NSUN4: variants seen among roughly 807,000 people sequenced by gnomAD.
NSUN4 encodes 5-cytosine rRNA methyltransferase NSUN4.
In NSUN4, 31 loss-of-function variants were observed where a neutral mutation model predicts 43.8. The observed-to-expected ratio is 0.71, with a 90% confidence interval of 0.53 to 0.96. The LOEUF (loss-of-function observed/expected upper bound fraction) is 0.96, where lower values mean the gene tolerates loss of function less well. NSUN4 is among the 40% of genes least tolerant of loss of function. The pLI is 0.00. For synonymous variants in NSUN4, 167 were observed against 184.1 expected (o/e 0.91, Z 0.75); for missense variants, 439 against 475.6 (o/e 0.92, Z 0.72).
At chr1:46,349,323 G>A (rs1415526824) in intron 3 of NSUN4, among the ~76,000 whole-genome samples, 1 of 151,650 alleles carries the variant, frequency 6.6e-6, no homozygotes, top group African/African-American at 2.4e-5. Flanking sequence ...TGTATTTTTA[G>A]TAGAGATAGG....
chr1:46,341,752 T>C, intron 1 of NSUN4: 1 of 1,231,722 alleles, frequency 8.1e-7, no homozygotes, highest in Non-Finnish European at 1.0e-6. Context: ...GGTTCCCCAC[T>C]CTCCAGCCCT....
chr1:46,377,691 T>C, the NSUN4 span, among the ~76,000 whole-genome samples: 1 of 152,360 alleles, frequency 6.6e-6, no homozygotes. Context: ...TCAGTTTTAG[T>C]CACACTTTTA....
intron 1 of NSUN4, 56 bp from the exon 2 acceptor site, chr1:46,344,745 A>T: frequency 6.8e-7 from 1 of 1,469,500 alleles, no homozygotes; most frequent in Non-Finnish European, 9.4e-7. Context: ...GGGGTCAGGT[A>T]GTAGGGGGTA....
intron 4 of NSUN4, 116 bp from the exon 5 acceptor site, chr1:46,360,588 G>T: frequency 9.9e-7 from 1 of 1,012,734 alleles, no homozygotes; most frequent in South Asian, 1.8e-5. Flanking sequence ...CTGCAAAGGA[G>T]GGATGGGCAG....
chr1:46,351,540 T>A (rs1321063724), intron 3 of NSUN4, among the ~76,000 whole-genome samples: 1 of 150,760 alleles, frequency 6.6e-6, no homozygotes, highest in Non-Finnish European at 1.5e-5. Flanking sequence ...AAATAAATAT[T>A]CTTGGCTGGG....
chr1:46,345,608 GT>G (rs1301075223), intron 2 of NSUN4, among the ~76,000 whole-genome samples: 1 of 152,180 alleles, frequency 6.6e-6, no homozygotes, highest in Non-Finnish European at 1.5e-5. Flanking sequence ...AATAGGAAAA[GT>G]AACTTCATGG....
At chr1:46,352,356 G>A (rs1007749155) in intron 3 of NSUN4, among the ~76,000 whole-genome samples, 3 of 151,990 alleles carry the variant, frequency 2.0e-5, no homozygotes, top group Non-Finnish European at 2.9e-5. Context: ...GGAGGCTAAG[G>A]CATGATAATC....
At chr1:46,373,704 A>G in the NSUN4 span, among the ~76,000 whole-genome samples, 284 of 152,348 alleles carry the variant, frequency 1.9e-3, no homozygotes, top group African/African-American at 6.2e-3. Context: ...CCATTAACCA[A>G]TTAATCCATG....
At chr1:46,343,834 C>T (rs1662293709) in intron 1 of NSUN4, 5 of 400,842 alleles carry the variant, frequency 1.2e-5, no homozygotes, top group Admixed American at 4.4e-5. Context: ...CAAGAGTCCC[C>T]AACATGGCAA....
chr1:46,377,213 G>A, the NSUN4 span, among the ~76,000 whole-genome samples: 48 of 151,404 alleles, frequency 3.2e-4, no homozygotes, highest in Middle Eastern at 3.4e-3. Context: ...CCACACCCGA[G>A]TAATTTTTGT....
intron 3 of NSUN4, among the ~76,000 whole-genome samples, chr1:46,350,075 T>TA (rs1204826572): frequency 3.2e-4 from 48 of 152,302 alleles, no homozygotes; most frequent in African/African-American, 1.1e-3. Context: ...CCTCATATTT[T>TA]ATGGAGGGAG....
rs528947627 is a variant in NSUN4 at position 46,363,458 on chromosome 1, A to G, written c.*1612A>G. 6.6e-6 allele frequency: 1 copy of G among 152,354 alleles called. No individual in the cohort carries two copies. Among genetic ancestry groups the G allele is most frequent in the East Asian group, 1.9e-4 (1 of 5,190 alleles). 9.4% of individuals were successfully genotyped at this position (152,354 alleles called of 1,614,324 possible). A position where few individuals can be genotyped will look rare whatever the true frequency, so the allele number is the denominator to read the frequency against. On this transcript the variant is annotated 3_prime_UTR_variant, in exon 6 of 6. Transcript: ENST00000474844. Reference sequence around the variant, plus strand: ...ATTGAATGCTAAGCAGTGGTAATTCAAAATGAGAGGGTCCCCTGCCTCTAG... The same window carrying G: ...ATTGAATGCTAAGCAGTGGTAATTCGAAATGAGAGGGTCCCCTGCCTCTAG...
intron 2 of NSUN4, 48 bp downstream of exon 2, chr1:46,345,192 G>A: frequency 7.0e-7 from 1 of 1,419,146 alleles, no homozygotes; most frequent in Non-Finnish European, 9.6e-7. Context: ...TCTGCTGGAA[G>A]TAGACATGTT....
intron 1 of NSUN4, chr1:46,342,978 C>G: frequency 5.0e-6 from 2 of 399,592 alleles, no homozygotes; most frequent in Non-Finnish European, 8.8e-6. Context: ...GACTACCTTA[C>G]TGACTGTGGT....
chr1:46,381,100 C>A, the NSUN4 span, among the ~76,000 whole-genome samples: 1 of 152,156 alleles, frequency 6.6e-6, no homozygotes, highest in South Asian at 2.1e-4. Flanking sequence ...TGCTCTGAAT[C>A]ATGTGCCATC....
intron 1 of NSUN4, 190 bp downstream of exon 1, chr1:46,341,109 T>C: frequency 8.0e-7 from 1 of 1,256,258 alleles, no homozygotes; most frequent in Non-Finnish European, 1.0e-6. Flanking sequence ...GTTAGTGTCT[T>C]CCACTTGTTA....
intron 1 of NSUN4, chr1:46,341,197 G>A: frequency 1.7e-6 from 2 of 1,203,698 alleles, no homozygotes; most frequent in Non-Finnish European, 2.1e-6. Flanking sequence ...ACTGTCTCTT[G>A]TTCCCCAGCT....
the NSUN4 span, among the ~76,000 whole-genome samples, chr1:46,384,950 C>T: frequency 6.6e-6 from 1 of 152,102 alleles, no homozygotes; most frequent in African/African-American, 2.4e-5. Context: ...GTGTATAATT[C>T]CTAAGAAATT....
intron 3 of NSUN4, among the ~76,000 whole-genome samples, chr1:46,351,214 A>G (rs187726401): frequency 6.6e-6 from 1 of 152,074 alleles, no homozygotes; most frequent in East Asian, 1.9e-4. Context: ...AAAAATACAA[A>G]ATTTGCCGGC....
Sources: allele counts gnomAD v4.1 joint callset (sites outside exome capture counted in the v4.1 genomes callset), GRCh38; gene constraint gnomAD v4.1.1; transcripts MANE v1.5; gene names NCBI Gene and HGNC (gene_info 2026-07-23, HGNC 2026-07-21).